MYRIP: variants seen among roughly 807,000 people sequenced by gnomAD.
MYRIP encodes myosin VIIA and Rab interacting protein.
A neutral mutation model predicts 98.0 loss-of-function variants in MYRIP; 49 were observed. The ratio of observed to expected loss-of-function variants is 0.50; its 90% CI spans 0.40 to 0.63. MYRIP has a LOEUF of 0.63. Ranked by LOEUF, MYRIP falls within the 30% of genes least tolerant of loss-of-function variation. MYRIP has a pLI of 0.00. For synonymous variants in MYRIP, 404 were observed against 409.5 expected, an observed-to-expected ratio of 0.99 and a Z score of 0.16; for missense variants, 1,004 against 1,058.2, an observed-to-expected ratio of 0.95 and a Z score of 0.71.
chr3:39,980,965 G>A (rs1945879599), intron 2 of MYRIP, among the ~76,000 whole-genome samples: 1 of 152,064 alleles, frequency 6.6e-6, no homozygotes. Flanking sequence ...AGATGGAGAT[G>A]GTGGTGATGG....
chr3:39,848,549 A>G (rs1471423630), intron 1 of MYRIP, among the ~76,000 whole-genome samples: 1 of 152,238 alleles, frequency 6.6e-6, no homozygotes, highest in African/African-American at 2.4e-5. Context: ...TATTGTTCAT[A>G]CATAGTCACA....
intron 3 of MYRIP, among the ~76,000 whole-genome samples, chr3:40,102,829 T>C (rs1233317943): frequency 6.6e-6 from 1 of 151,884 alleles, no homozygotes; most frequent in Non-Finnish European, 1.5e-5. Flanking sequence ...TTCTATTTAC[T>C]CTCACAATCT....
chr3:40,109,425 AG>A (rs1349254765), intron 3 of MYRIP, among the ~76,000 whole-genome samples: 1 of 152,204 alleles, frequency 6.6e-6, no homozygotes, highest in Non-Finnish European at 1.5e-5. Context: ...GAGAGGGAAG[AG>A]GAATTTGGGG....
At chr3:39,820,593 T>G (rs868142889) in intron 1 of MYRIP, among the ~76,000 whole-genome samples, 1 of 152,212 alleles carries the variant, frequency 6.6e-6, no homozygotes, top group South Asian at 2.1e-4. Context: ...TGAAAAGCAA[T>G]TTATTAATCA....
chr3:39,856,615 C>G (rs1473428770), intron 1 of MYRIP, among the ~76,000 whole-genome samples: 1 of 152,184 alleles, frequency 6.6e-6, no homozygotes, highest in African/African-American at 2.4e-5. Flanking sequence ...GCGGAGCTAC[C>G]CAGCCACAGA....
chr3:40,235,901 C>G (rs1952810159), intron 12 of MYRIP, among the ~76,000 whole-genome samples: 1 of 152,190 alleles, frequency 6.6e-6, no homozygotes, highest in Non-Finnish European at 1.5e-5. Context: ...CAGCTGTTTC[C>G]CTGTGGAAAC....
chr3:40,153,181 T>C (rs990023992), intron 4 of MYRIP, among the ~76,000 whole-genome samples: 11 of 152,160 alleles, frequency 7.2e-5, no homozygotes, highest in Non-Finnish European at 2.9e-5. Context: ...GTTGCTTTAA[T>C]ACTATTTGTA....
intron 5 of MYRIP, 88 bp downstream of exon 5, chr3:40,162,898 G>T: frequency 8.2e-7 from 1 of 1,219,026 alleles, no homozygotes; most frequent in South Asian, 1.3e-5. Context: ...TCCCCCAGAT[G>T]CATTGTTACC....
At chr3:39,902,959 G>C (rs1943779636) in intron 2 of MYRIP, among the ~76,000 whole-genome samples, 1 of 152,186 alleles carries the variant, frequency 6.6e-6, no homozygotes, top group Non-Finnish European at 1.5e-5. Context: ...ATGGGAACCT[G>C]CTTATAATGG....
At chr3:39,815,153 G>A (rs2125564803) in intron 1 of MYRIP, among the ~76,000 whole-genome samples, 1 of 152,234 alleles carries the variant, frequency 6.6e-6, no homozygotes, top group Non-Finnish European at 1.5e-5. Context: ...CCCATTAGCA[G>A]TCATTTCTCA....
At chr3:40,086,871 G>A (rs1328392705) in intron 3 of MYRIP, among the ~76,000 whole-genome samples, 1 of 151,996 alleles carries the variant, frequency 6.6e-6, no homozygotes, top group Non-Finnish European at 1.5e-5. Flanking sequence ...CCAGCAGGTA[G>A]TACATAGCAG....
At chr3:39,877,694 C>T (rs896033523) in intron 1 of MYRIP, among the ~76,000 whole-genome samples, 1 of 152,086 alleles carries the variant, frequency 6.6e-6, no homozygotes, top group Non-Finnish European at 1.5e-5. Flanking sequence ...TCTGATCGTT[C>T]CTCTGGAAGT....
chr3:40,024,945 C>T (rs1947088485), intron 2 of MYRIP, among the ~76,000 whole-genome samples: 1 of 152,186 alleles, frequency 6.6e-6, no homozygotes, highest in East Asian at 1.9e-4. Context: ...GTGCCTGCTG[C>T]ACAACTCTGG....
intron 1 of MYRIP, among the ~76,000 whole-genome samples, chr3:39,898,558 CT>C (rs1222923494): frequency 6.6e-6 from 1 of 152,026 alleles, no homozygotes; most frequent in Non-Finnish European, 1.5e-5. Flanking sequence ...GGTTTTAAAA[CT>C]AGAAAGCATT....
intron 1 of MYRIP, among the ~76,000 whole-genome samples, chr3:39,848,821 G>A (rs556598019): frequency 2.0e-5 from 3 of 151,984 alleles, no homozygotes; most frequent in East Asian, 1.9e-4. Context: ...TTCCCTAAAC[G>A]TGTTGCTAAA....
Position 39,901,009 on chromosome 3 carries a change from G to T in MYRIP, c.110+83G>T, listed in dbSNP as rs113445544. On this transcript the variant is annotated intron_variant, in intron 2 of 16. Transcript: ENST00000302541. The stretch of plus-strand genomic sequence containing the variant: ...AGGTTTCCTGAGGGTATTCCCTCCT[G>T]CTAGCCCTGAGTTTGGATATACACT... 5.4e-4 allele frequency: 539 copies of T among 995,138 alleles called. 3 individuals carry two copies. The African/African-American group carries it at 7.1e-3, about 13-fold the overall frequency. The allele number at this position is 995,138 out of a possible 1,614,324, so 61.6% of individuals were successfully genotyped here.
intron 1 of MYRIP, among the ~76,000 whole-genome samples, chr3:39,811,569 G>T (rs1192157803): frequency 2.6e-5 from 4 of 151,988 alleles, no homozygotes; most frequent in Admixed American, 2.0e-4. Flanking sequence ...ATGGGCAGCT[G>T]CGTCTCTCCT....
At chr3:40,226,969 T>C (rs1952508701) in intron 11 of MYRIP, among the ~76,000 whole-genome samples, 1 of 152,214 alleles carries the variant, frequency 6.6e-6, no homozygotes, top group East Asian at 1.9e-4. Context: ...AGCAGCTTTC[T>C]TGTGCTTCCA....
intron 11 of MYRIP, among the ~76,000 whole-genome samples, chr3:40,212,276 A>T (rs1302945634): frequency 2.2e-5 from 3 of 137,618 alleles, no homozygotes; most frequent in African/African-American, 7.6e-5. Context: ...ATATATAGAG[A>T]GAGAGCGCCA....
Sources: gnomAD v4.1 joint callset for allele counts (sites outside exome capture counted in the v4.1 genomes callset) on GRCh38, gnomAD v4.1.1 for gene constraint, MANE v1.5 for transcripts, NCBI Gene and HGNC (gene_info 2026-07-23, HGNC 2026-07-21) for gene names.